ACACB: variants seen among roughly 807,000 people sequenced by gnomAD.
ACACB encodes the protein acetyl-CoA carboxylase beta.
ACACB carries 209 observed loss-of-function variants against 278.8 expected under a neutral mutation model. That is an observed-to-expected ratio of 0.75 (90% confidence interval 0.67 to 0.84). The LOEUF (loss-of-function observed/expected upper bound fraction) is 0.84, where lower values mean the gene tolerates loss of function less well. Among genes scored for constraint, ACACB ranks in the 40% least tolerant of loss-of-function variants. The probability of loss-of-function intolerance (pLI) is 0.00; values close to 1 mark genes in which losing one functional copy is unlikely to be tolerated. For synonymous variants in ACACB, 1,174 were observed against 1,285.6 expected, an observed-to-expected ratio of 0.91 and a Z score of 1.86; for missense variants, 2,850 against 3,269.0, an observed-to-expected ratio of 0.87 and a Z score of 3.13.
chr12:109,154,593 G>C (rs1201135213), intron 2 of ACACB: 1 of 130,886 alleles, frequency 7.6e-6, no homozygotes, highest in African/African-American at 2.8e-5. Flanking sequence ...GGAAGGCGGG[G>C]CCCTCCTGGG....
At chr12:109,137,796 AT>A (rs904886365) in intron 1 of ACACB, among the ~76,000 whole-genome samples, 25 of 152,058 alleles carry the variant, frequency 1.6e-4, no homozygotes, top group African/African-American at 4.8e-4. Context: ...CCATTTAAAA[AT>A]TTTTTTTGAA....
chr12:109,258,088 T>A (rs985596079), intron 45 of ACACB, among the ~76,000 whole-genome samples, 180 bp from the exon 46 acceptor site: 9 of 152,344 alleles, frequency 5.9e-5, no homozygotes, highest in Non-Finnish European at 1.2e-4. Context: ...AGGGCACCAA[T>A]AGGTCTGCTA....
chr12:109,265,609 G>A, intron 52 of ACACB, 84 bp downstream of exon 52: 1 of 1,521,974 alleles, frequency 6.6e-7, no homozygotes, highest in Non-Finnish European at 8.9e-7. Flanking sequence ...CTCCTATGCA[G>A]CCACTTGAAC....
chr12:109,138,982 T>G (rs1355554835), intron 1 of ACACB, among the ~76,000 whole-genome samples: 1 of 152,222 alleles, frequency 6.6e-6, no homozygotes, highest in Non-Finnish European at 1.5e-5. Context: ...CACCTCAATC[T>G]GCTTTAGAAC....
chr12:109,207,814 G>C (rs750306601), intron 20 of ACACB, among the ~76,000 whole-genome samples: 10 of 152,158 alleles, frequency 6.6e-5, no homozygotes, highest in African/African-American at 9.7e-5. Flanking sequence ...GAGTAGCTGG[G>C]ATTACAGGCG....
At position 109,170,087 on chromosome 12, in the gene ACACB, T is replaced by G. The variant is rs576279232; in HGVS notation, c.926-1718T>G. 2.6e-4 allele frequency among the ~76,000 whole-genome samples: 40 copies of G among 151,654 alleles called. 1 individual carries two copies. In the South Asian group the frequency reaches 8.3e-3, roughly 31 times the overall value. Reference sequence around the variant, plus strand: ...TGGCTGTTCTCTGACTTTGGCCTCATTGATGTGTGGGTTTTTGTTTGTTTG... The same window carrying G: ...TGGCTGTTCTCTGACTTTGGCCTCAGTGATGTGTGGGTTTTTGTTTGTTTG... On this transcript the variant is annotated intron_variant, in intron 4 of 52. Coordinates refer to ENST00000338432, the MANE Select transcript of ACACB (RefSeq NM_001093.4).
chr12:109,258,138 C>T lies in ACACB; in HGVS notation c.6264-130C>T. The T allele has an allele frequency of 6.0e-6, 4 of 669,108 alleles. No individual in the cohort carries two copies. The South Asian group carries it at 6.2e-5, about 10-fold the overall frequency. The allele number at this position is 669,108 out of a possible 1,614,324, so 41.4% of individuals were successfully genotyped here. A position where few individuals can be genotyped will look rare whatever the true frequency, so the allele number is the denominator to read the frequency against. On this transcript the variant is annotated intron_variant, in intron 45 of 52. Transcript: ENST00000338432. The stretch of plus-strand genomic sequence containing the variant: ...TACCATTTGGGGGCTTTTTCTTTGC[C>T]TTCCAATAAAATAATCCGCCAGATT...
intron 1 of ACACB, among the ~76,000 whole-genome samples, chr12:109,119,829 A>G (rs1027297060): frequency 6.6e-6 from 1 of 152,194 alleles, no homozygotes; most frequent in Non-Finnish European, 1.5e-5. Flanking sequence ...TGGGAACCAG[A>G]CGTTGCAGCA....
Position 109,233,981 on chromosome 12 carries a change from AGTG to A in ACACB, c.4284_4286del (p.Gln1428_Cys1429delinsHis). ...ATCCACATTCTGAATGTGTCCATCCAGTGTGCAGACCACCTGGAGGATGAGGCA... is the reference window on the plus strand; with the variant it reads ...ATCCACATTCTGAATGTGTCCATCCATGCAGACCACCTGGAGGATGAGGCA... On this transcript the variant is annotated inframe_deletion, in exon 31 of 53. Transcript: ENST00000338432. 1 of 1,614,126 alleles carries A rather than the reference AGTG, an allele frequency of 6.2e-7. No individual in the cohort carries two copies. Among genetic ancestry groups the A allele is most frequent in the South Asian group, 1.1e-5 (1 of 91,072 alleles).
At chr12:109,119,195 C>A (rs926874479) in intron 1 of ACACB, among the ~76,000 whole-genome samples, 6 of 152,176 alleles carry the variant, frequency 3.9e-5, no homozygotes, top group African/African-American at 1.4e-4. Context: ...AATGGCAAAG[C>A]CTCCACCCAA....
chr12:109,199,930 G>C (rs1199106558), intron 18 of ACACB, among the ~76,000 whole-genome samples: 1 of 151,202 alleles, frequency 6.6e-6, no homozygotes, highest in East Asian at 2.0e-4. Context: ...GGAGGATGGC[G>C]TGAAGGCAGG....
chr12:109,250,059 TG>T lies in ACACB; in HGVS notation c.5749del (p.Glu1917SerfsTer15). On this transcript the variant is annotated frameshift_variant, in exon 41 of 53. Coordinates refer to ENST00000338432, the MANE Select transcript of ACACB (RefSeq NM_001093.4). LOFTEE classifies it high-confidence loss of function. ...ATCTGAGGGGCTCAGGCATGATTGCTGGGGAGTCCTCTCTGGCTTACGAAGA... is the reference window on the plus strand; with the variant it reads ...ATCTGAGGGGCTCAGGCATGATTGCTGGGAGTCCTCTCTGGCTTACGAAGA... Reference protein sequence around the residue: ...ENLRGSGMIAGESSLAYEEIV... With the variant: ...ENLRGSGMIAXESSLAYEEIV... The T allele has an allele frequency of 1.2e-6, 2 of 1,613,454 alleles. No homozygotes were observed. Among genetic ancestry groups the T allele is most frequent in the Non-Finnish European group, 1.7e-6 (2 of 1,179,706 alleles).
chr12:109,182,881 A>G (rs902109739), intron 11 of ACACB, among the ~76,000 whole-genome samples: 2 of 152,124 alleles, frequency 1.3e-5, no homozygotes, highest in African/African-American at 2.4e-5. Context: ...GCCCAGACTG[A>G]TGTTCCTGAG....
Position 109,262,314 on chromosome 12 carries a change from G to A in ACACB, c.6675-43G>A, listed in dbSNP as rs371617252. 46 of 1,522,292 alleles carry A rather than the reference G, an allele frequency of 3.0e-5. No homozygotes were observed. The East Asian group carries it at 5.4e-4, about 18-fold the overall frequency. The allele number at this position is 1,522,292 out of a possible 1,614,324, so 94.3% of individuals were successfully genotyped here. On this transcript the variant is annotated intron_variant, in intron 48 of 52. Transcript: ENST00000338432. ...ACATCCATTAGCCCTTGCTTGCTGG[G>A]CAATGCCTCATATACCCCCATCCCT...
chr12:109,197,176 C>T (rs1337880080), intron 17 of ACACB, 23 bp downstream of exon 17: 84 of 1,594,248 alleles, frequency 5.3e-5, no homozygotes, highest in Non-Finnish European at 7.0e-5. Context: ...GCGAGTCCCA[C>T]TGTGGGCTGG....
chr12:109,199,405 C>T lies in ACACB; in HGVS notation c.2631C>T (p.Tyr877=). The change falls in exon 18 of 53, where the codon TAC becomes TAT. Residue 877 remains tyrosine (Y), a synonymous_variant. Coordinates refer to ENST00000338432, the MANE Select transcript of ACACB (RefSeq NM_001093.4). The stretch of plus-strand genomic sequence containing the variant: ...CCCGACTCCTCCTCTCTCCCAGTTA[C>T]CGAATTACCATCGGCAATAAGACGT... ...TTYMKEEVDS[Y]RITIGNKTCV... is the part of the protein sequence containing the mutation. 1.3e-6 allele frequency: 2 copies of T among 1,492,400 alleles called. No homozygotes were observed. Among genetic ancestry groups the T allele is most frequent in the Admixed American group, 2.2e-5 (1 of 45,698 alleles). 92.4% of individuals were successfully genotyped at this position (1,492,400 alleles called of 1,614,324 possible).
Position 109,223,868 on chromosome 12 carries a change from T to G in ACACB, c.3846T>G (p.Tyr1282Ter). 6.2e-7 allele frequency: 1 copy of G among 1,614,198 alleles called. No homozygotes were observed. Among genetic ancestry groups the G allele is most frequent in the Non-Finnish European group, 8.5e-7 (1 of 1,180,018 alleles). The part of the protein sequence containing the change: ...TIFDVLPTFF[Y>*]HANKVVCMAS... ...TCGACGTCCTGCCTACTTTCTTCTATCACGCAAACAAAGTCGTGTGCATGG... is the reference window on the plus strand; with the variant it reads ...TCGACGTCCTGCCTACTTTCTTCTAGCACGCAAACAAAGTCGTGTGCATGG... Residue 1282 changes from tyrosine to a stop codon, truncating the protein, a stop_gained, in exon 27 of 53, where the codon TAT becomes TAG. Transcript: ENST00000338432. LOFTEE classifies it high-confidence loss of function.
rs373008248 is a variant in ACACB, at chr12:109,227,351, G to T, written c.3883-20G>T. ...TGCAGTGGCCCCTGAGAGAATGTCC[G>T]TGTGTTTCTGCCTTGTCAGGTTTAC... On this transcript the variant is annotated intron_variant, in intron 27 of 52. Coordinates refer to ENST00000338432, the MANE Select transcript of ACACB (RefSeq NM_001093.4). 3.4e-5 allele frequency: 54 copies of T among 1,601,028 alleles called. No individual in the cohort carries two copies. Among genetic ancestry groups the T allele is most frequent in the Non-Finnish European group, 4.6e-5 (54 of 1,172,552 alleles).
At chr12:109,213,204 C>T (rs1439058082) in intron 22 of ACACB, among the ~76,000 whole-genome samples, 2 of 152,178 alleles carry the variant, frequency 1.3e-5, no homozygotes, top group East Asian at 1.9e-4. Context: ...GCTGGGATTA[C>T]GGGCATGTGC....
Sources: allele counts gnomAD v4.1 joint callset (sites outside exome capture counted in the v4.1 genomes callset), GRCh38; gene constraint gnomAD v4.1.1; transcripts MANE v1.5; gene names NCBI Gene and HGNC (gene_info 2026-07-23, HGNC 2026-07-21).